The following SPAM1 variants were observed in gnomAD, a reference collection of about 807,000 sequenced individuals.
SPAM1 encodes the protein hyaluronidase PH-20.
Under a neutral mutation model 29.6 loss-of-function variants are expected in SPAM1, and 22 were observed. That is an observed-to-expected ratio of 0.74 (90% CI 0.53 to 1.06). The LOEUF is 1.06. Among genes scored for constraint, SPAM1 ranks in the 50% least tolerant of loss-of-function variants. The probability of loss-of-function intolerance (pLI) is 0.00; values close to 1 mark genes in which losing one functional copy is unlikely to be tolerated. For synonymous variants in SPAM1, 194 were observed against 204.6 expected (o/e 0.95, Z 0.44); for missense variants, 534 against 604.0 (o/e 0.88, Z 1.21).
chr7:123,956,559 G>T (rs1231928812), intron 4 of SPAM1, among the ~76,000 whole-genome samples: 3 of 151,840 alleles, frequency 2.0e-5, no homozygotes, highest in African/African-American at 7.2e-5. Flanking sequence ...TCCCAGCTGA[G>T]ACCTAATTGT....
chr7:123,928,978 C>T (rs1807981816), intron 1 of SPAM1, among the ~76,000 whole-genome samples: 2 of 152,048 alleles, frequency 1.3e-5, no homozygotes, highest in Non-Finnish European at 2.9e-5. Flanking sequence ...CTCCTGTTTT[C>T]CTGCGAGCCT....
chr7:123,965,849 A>G (rs574538036), intron 5 of SPAM1, among the ~76,000 whole-genome samples: 15 of 152,176 alleles, frequency 9.9e-5, no homozygotes, highest in African/African-American at 3.4e-4. Context: ...AATGTCAATG[A>G]TAGTTTAATG....
chr7:123,970,013 A>G (rs573820254), intron 5 of SPAM1, among the ~76,000 whole-genome samples: 1 of 152,034 alleles, frequency 6.6e-6, no homozygotes, highest in East Asian at 1.9e-4. Flanking sequence ...AATAAATTAT[A>G]TCTTCTTCTA....
intron 1 of SPAM1, among the ~76,000 whole-genome samples, chr7:123,927,429 A>T (rs1390709461): frequency 2.0e-5 from 3 of 152,332 alleles, no homozygotes; most frequent in Admixed American, 6.5e-5. Context: ...GAGGGCATCT[A>T]TAGCGATTTA....
chr7:123,951,832 G>C (rs1808777512), intron 2 of SPAM1, among the ~76,000 whole-genome samples: 1 of 152,082 alleles, frequency 6.6e-6, no homozygotes, highest in Non-Finnish European at 1.5e-5. Flanking sequence ...ACGTTGGTCA[G>C]GCTGGTCTCA....
At chr7:123,958,591 G>A (rs924794897) in intron 4 of SPAM1, among the ~76,000 whole-genome samples, 23 of 152,040 alleles carry the variant, frequency 1.5e-4, no homozygotes, top group Non-Finnish European at 4.4e-5. Flanking sequence ...ACTGTGGAAG[G>A]ATGGGGTGGG....
At chr7:123,949,336 C>G (rs1808689768) in intron 1 of SPAM1, among the ~76,000 whole-genome samples, 1 of 152,120 alleles carries the variant, frequency 6.6e-6, no homozygotes, top group Non-Finnish European at 1.5e-5. Flanking sequence ...ACATAATGGA[C>G]ACTCAGAAAA....
intron 2 of SPAM1, among the ~76,000 whole-genome samples, chr7:123,950,976 T>C (rs1284424895): frequency 1.3e-5 from 2 of 152,194 alleles, no homozygotes; most frequent in Non-Finnish European, 2.9e-5. Flanking sequence ...TGATATCTCA[T>C]TGCAGTTTAG....
chr7:123,938,171 G>A (rs1808316019), intron 1 of SPAM1, among the ~76,000 whole-genome samples: 1 of 151,298 alleles, frequency 6.6e-6, no homozygotes, highest in Non-Finnish European at 1.5e-5. Context: ...GGCATGATAT[G>A]GGCACAGTGC....
At chr7:123,935,748 T>C (rs972490327) in intron 1 of SPAM1, among the ~76,000 whole-genome samples, 1 of 152,226 alleles carries the variant, frequency 6.6e-6, no homozygotes, top group Non-Finnish European at 1.5e-5. Flanking sequence ...AGTTAAAAAA[T>C]ACATTTTATG....
chr7:123,958,538 G>C (rs1792294491), intron 4 of SPAM1, among the ~76,000 whole-genome samples: 3 of 151,934 alleles, frequency 2.0e-5, no homozygotes, highest in Non-Finnish European at 2.9e-5. Flanking sequence ...ATTTAAACTT[G>C]TCTGGCAGGT....
At chr7:123,937,550 G>A (rs562194933) in intron 1 of SPAM1, among the ~76,000 whole-genome samples, 17 of 138,820 alleles carry the variant, frequency 1.2e-4, no homozygotes, top group South Asian at 9.3e-4. Context: ...GCAGTGAGCC[G>A]AGATCGCGCC....
At chr7:123,947,289 C>G (rs899768599) in intron 1 of SPAM1, among the ~76,000 whole-genome samples, 1 of 152,040 alleles carries the variant, frequency 6.6e-6, no homozygotes, top group Non-Finnish European at 1.5e-5. Flanking sequence ...TGGCTCAAGC[C>G]TGTAATCCCA....
At chr7:123,939,880 G>C (rs1323823527) in intron 1 of SPAM1, among the ~76,000 whole-genome samples, 1 of 152,142 alleles carries the variant, frequency 6.6e-6, no homozygotes, top group African/African-American at 2.4e-5. Flanking sequence ...TAAGAGTACT[G>C]TTAGGTTGTT....
chr7:123,969,030 CTG>C (rs1408837001), intron 5 of SPAM1, among the ~76,000 whole-genome samples: 3 of 152,034 alleles, frequency 2.0e-5, no homozygotes, highest in Non-Finnish European at 4.4e-5. Flanking sequence ...TCTGAAGAAA[CTG>C]AGACCTTACT....
At chr7:123,970,418 A>C (rs1792482854) in intron 6 of SPAM1, 3 of 606,882 alleles carry the variant, frequency 4.9e-6, no homozygotes, top group African/African-American at 1.9e-5. Context: ...TCACTTAATT[A>C]CCTCTTAAAG....
intron 1 of SPAM1, among the ~76,000 whole-genome samples, chr7:123,935,007 A>G (rs375898554): frequency 2.5e-3 from 379 of 152,330 alleles, no homozygotes; most frequent in African/African-American, 8.7e-3. Flanking sequence ...TGTTCATAAT[A>G]TGAATGATGA....
chr7:123,968,781 G>A (rs114362335), intron 5 of SPAM1, among the ~76,000 whole-genome samples: 1 of 151,956 alleles, frequency 6.6e-6, no homozygotes, highest in South Asian at 2.1e-4. Flanking sequence ...GCTTGAGCAG[G>A]TTACATAACT....
rs1792185415 is a variant in SPAM1 at position 123,954,110 on chromosome 7, T to C, written c.540T>C (p.Ser180=). Residue 180 remains serine, a synonymous_variant, in exon 3 of 5, where the codon AGT becomes AGC. Transcript: ENST00000682466. ...TTCAGCAACAAAATGTACAACTTAGTCTCACAGAGGCCACTGAGAAAGCAA... is the reference window on the plus strand; with the variant it reads ...TTCAGCAACAAAATGTACAACTTAGCCTCACAGAGGCCACTGAGAAAGCAA... ...ELVQQQNVQL[S]LTEATEKAKQ... 1.2e-6 allele frequency: 2 copies of C among 1,612,910 alleles called. No individual in the cohort carries two copies. Among genetic ancestry groups the C allele is most frequent in the Non-Finnish European group, 1.7e-6 (2 of 1,179,616 alleles).
Sources: allele counts gnomAD v4.1 joint callset (sites outside exome capture counted in the v4.1 genomes callset), GRCh38; gene constraint gnomAD v4.1.1; transcripts MANE v1.5; gene names NCBI Gene and HGNC (gene_info 2026-07-23, HGNC 2026-07-21).